NDST4: variants seen among roughly 807,000 people sequenced by gnomAD.
NDST4 encodes N-heparan sulfate sulfotransferase 4.
NDST4 carries 63 observed loss-of-function variants against 100.8 expected under a neutral mutation model. The ratio of observed to expected loss-of-function variants is 0.62; its 90% CI spans 0.51 to 0.77. NDST4 has a LOEUF of 0.77. Among genes scored for constraint, NDST4 ranks in the 30% least tolerant of loss-of-function variants. The pLI is 0.00. For synonymous variants in NDST4, 377 were observed against 361.8 expected (o/e 1.04, Z -0.48); for missense variants, 943 against 1,018.4 (o/e 0.93, Z 1.01).
chr4:114,869,124 G>A (rs1724093902), intron 7 of NDST4, among the ~76,000 whole-genome samples: 1 of 151,024 alleles, frequency 6.6e-6, no homozygotes, highest in Non-Finnish European at 1.5e-5. Flanking sequence ...AAATCATATT[G>A]GAGCTGGCAT....
chr4:114,967,023 A>G (rs996568873), intron 4 of NDST4, among the ~76,000 whole-genome samples: 1 of 152,130 alleles, frequency 6.6e-6, no homozygotes, highest in Non-Finnish European at 1.5e-5. Flanking sequence ...TACTCCACCA[A>G]TATCCAGTTA....
chr4:114,831,116 A>G (rs1723187938), intron 12 of NDST4, among the ~76,000 whole-genome samples: 1 of 149,442 alleles, frequency 6.7e-6, no homozygotes, highest in East Asian at 2.0e-4. Flanking sequence ...GCAGTGGCGC[A>G]ATCTCGGCTC....
chr4:114,863,602 A>G (rs926454396), intron 7 of NDST4, among the ~76,000 whole-genome samples: 23 of 152,226 alleles, frequency 1.5e-4, no homozygotes, highest in African/African-American at 5.5e-4. Flanking sequence ...ACTGCAACAG[A>G]TATTTACTGG....
chr4:114,830,397 C>G (rs1263137666), intron 12 of NDST4, among the ~76,000 whole-genome samples: 1 of 152,136 alleles, frequency 6.6e-6, no homozygotes. Flanking sequence ...GCATTTTTTA[C>G]AGTTCAAAAT....
At chr4:114,873,281 GAA>G (rs1724188190) in intron 6 of NDST4, among the ~76,000 whole-genome samples, 1 of 151,514 alleles carries the variant, frequency 6.6e-6, no homozygotes, top group African/African-American at 2.4e-5. Flanking sequence ...TACCTAGGTA[GAA>G]ATTTAAGTTA....
At chr4:115,003,349 T>A (rs2620417) in intron 2 of NDST4, among the ~76,000 whole-genome samples, 1 of 151,940 alleles carries the variant, frequency 6.6e-6, no homozygotes, top group South Asian at 2.1e-4. Context: ...GTGATAACAG[T>A]GATCTTATAT....
At chr4:115,088,641 C>G (rs1029432956) in intron 1 of NDST4, among the ~76,000 whole-genome samples, 3 of 151,838 alleles carry the variant, frequency 2.0e-5, no homozygotes, top group Admixed American at 1.3e-4. Flanking sequence ...CTCTCACCCC[C>G]ACTCCCGCCC....
intron 10 of NDST4, among the ~76,000 whole-genome samples, chr4:114,844,903 C>T (rs555550063): frequency 6.6e-6 from 1 of 152,248 alleles, no homozygotes; most frequent in Non-Finnish European, 1.5e-5. Context: ...ATCTTTACAT[C>T]CTTTTTTGTA....
At chr4:114,920,267 C>T (rs1725261317) in intron 6 of NDST4, among the ~76,000 whole-genome samples, 1 of 152,068 alleles carries the variant, frequency 6.6e-6, no homozygotes, top group African/African-American at 2.4e-5. Context: ...TTCCCAAATT[C>T]TGTGTATATA....
chr4:115,023,897 GC>G (rs1439718341), intron 2 of NDST4, among the ~76,000 whole-genome samples: 1 of 152,090 alleles, frequency 6.6e-6, no homozygotes, highest in Non-Finnish European at 1.5e-5. Flanking sequence ...CAAGCTCATT[GC>G]CCAGATCTGC....
chr4:114,869,697 GAC>G (rs1724106673), intron 7 of NDST4, among the ~76,000 whole-genome samples: 1 of 152,084 alleles, frequency 6.6e-6, no homozygotes, highest in African/African-American at 2.4e-5. Context: ...AATATAATAT[GAC>G]ATGTAGCAGT....
chr4:115,027,959 AG>A (rs1005929193), intron 2 of NDST4, among the ~76,000 whole-genome samples: 47 of 152,124 alleles, frequency 3.1e-4, no homozygotes, highest in African/African-American at 1.1e-3. Context: ...AGGTTGAGGC[AG>A]GAGAATCTCT....
chr4:114,979,317 C>CT (rs1338395388), intron 2 of NDST4, among the ~76,000 whole-genome samples: 2 of 151,086 alleles, frequency 1.3e-5, no homozygotes, highest in African/African-American at 2.4e-5. Flanking sequence ...CATCCATGCT[C>CT]TATCTCATGT....
chr4:114,990,952 A>C (rs938440408), intron 2 of NDST4, among the ~76,000 whole-genome samples: 1 of 152,016 alleles, frequency 6.6e-6, no homozygotes, highest in Non-Finnish European at 1.5e-5. Flanking sequence ...TATTGCTCTA[A>C]GGCCTGAACA....
chr4:114,895,819 A>AT (rs931994136), intron 6 of NDST4, among the ~76,000 whole-genome samples: 9 of 152,172 alleles, frequency 5.9e-5, no homozygotes, highest in African/African-American at 2.2e-4. Flanking sequence ...TTAAAATATA[A>AT]TTAAAAAAAA....
intron 7 of NDST4, among the ~76,000 whole-genome samples, chr4:114,859,568 T>G (rs1288603737): frequency 1.3e-5 from 2 of 152,180 alleles, no homozygotes; most frequent in Admixed American, 1.3e-4. Context: ...CCTCCACTCC[T>G]CTGAACTTTG....
chr4:115,083,495 A>AT (rs1729343626), intron 1 of NDST4, among the ~76,000 whole-genome samples: 1 of 152,144 alleles, frequency 6.6e-6, no homozygotes, highest in Non-Finnish European at 1.5e-5. Context: ...AAAAATTATT[A>AT]TATAAACATT....
intron 1 of NDST4, among the ~76,000 whole-genome samples, chr4:115,108,773 C>T (rs1729882062): frequency 6.6e-6 from 1 of 151,888 alleles, no homozygotes; most frequent in Non-Finnish European, 1.5e-5. Context: ...TTTCACTTTT[C>T]CTTGATTGCT....
intron 6 of NDST4, among the ~76,000 whole-genome samples, chr4:114,884,029 A>G (rs1724427159): frequency 6.6e-6 from 1 of 152,134 alleles, no homozygotes; most frequent in Admixed American, 6.6e-5. Context: ...AGAAGTCAAG[A>G]GATAGAGAAA....
Sources: allele counts gnomAD v4.1 joint callset (sites outside exome capture counted in the v4.1 genomes callset), GRCh38; gene constraint gnomAD v4.1.1; transcripts MANE v1.5; gene names NCBI Gene and HGNC (gene_info 2026-07-23, HGNC 2026-07-21).